The following DENND5A variants were observed in gnomAD, a reference collection of about 807,000 sequenced individuals.
DENND5A encodes the protein DENN domain-containing protein 5A.
Under a neutral mutation model 140.3 loss-of-function variants are expected in DENND5A, and 64 were observed. The ratio of observed to expected loss-of-function variants is 0.46; its 90% CI spans 0.37 to 0.56. The LOEUF (loss-of-function observed/expected upper bound fraction) is 0.56. Among genes scored for constraint, DENND5A ranks in the 20% least tolerant of loss-of-function variants. DENND5A has a pLI of 0.00. For missense variants in DENND5A, 1,292 were observed against 1,593.8 expected (o/e 0.81, Z 3.22); for synonymous variants, 605 against 607.7 (o/e 1.00, Z 0.07).
At chr11:9,236,737 G>A (rs1215727584) in intron 1 of DENND5A, among the ~76,000 whole-genome samples, 1 of 88,386 alleles carries the variant, frequency 1.1e-5, no homozygotes, top group African/African-American at 5.5e-5. Context: ...AAAAGAAAAA[G>A]ATGAAAAGGA....
intron 1 of DENND5A, among the ~76,000 whole-genome samples, chr11:9,244,460 C>CAGTGATT (rs1851378564): frequency 6.6e-6 from 1 of 152,170 alleles, no homozygotes; most frequent in South Asian, 2.1e-4. Flanking sequence ...ACCTCCGCCT[C>CAGTGATT]CCAGGTTCAA....
intron 18 of DENND5A, among the ~76,000 whole-genome samples, 196 bp downstream of exon 18, chr11:9,144,799 A>G (rs1040489896): frequency 1.3e-5 from 2 of 152,016 alleles, no homozygotes; most frequent in Non-Finnish European, 1.5e-5. Flanking sequence ...AAAAAAAAAA[A>G]AAAGAAAGAA....
intron 1 of DENND5A, among the ~76,000 whole-genome samples, chr11:9,212,996 T>C (rs1849938070): frequency 2.3e-5 from 3 of 132,684 alleles, no homozygotes; most frequent in African/African-American, 8.9e-5. Context: ...AAGTTCCTGG[T>C]TCTGATTTTT....
intron 15 of DENND5A, among the ~76,000 whole-genome samples, chr11:9,149,584 T>G (rs576652748): frequency 1.3e-5 from 2 of 152,246 alleles, no homozygotes; most frequent in Admixed American, 1.3e-4. Flanking sequence ...CTGAAGAAGT[T>G]TACCAGGTAG....
chr11:9,249,215 G>A (rs7951700), intron 1 of DENND5A, among the ~76,000 whole-genome samples: 42,861 of 151,130 alleles, frequency 0.28, 6,766 homozygotes, highest in South Asian at 0.49. Flanking sequence ...GAGACAGAGC[G>A]AGACTCCGAC....
chr11:9,214,699 C>A (rs903802332), intron 1 of DENND5A, among the ~76,000 whole-genome samples: 2 of 152,126 alleles, frequency 1.3e-5, no homozygotes, highest in African/African-American at 4.8e-5. Context: ...CACTGCCCCC[C>A]AACCCCCACC....
At position 9,255,187 on chromosome 11, in the gene DENND5A, T is replaced by C. The variant is rs147188927; in HGVS notation, c.109+9774A>G. ...AGCCACTAAGATGGCTATAAACCAA[T>C]AGATAAGTATTGGTAAGGATATGAA... is the stretch of plus-strand genomic sequence containing the variant. On this transcript the variant is annotated intron_variant, in intron 1 of 22. Coordinates refer to ENST00000328194, the MANE Select transcript of DENND5A (RefSeq NM_015213.4). Among the ~76,000 whole-genome samples the C allele has an allele frequency of 3.5e-4, 53 of 152,246 alleles. 1 individual carries two copies. The East Asian group carries it at 8.1e-3, about 23-fold the overall frequency.
At chr11:9,147,174 T>C (rs1847460566) in intron 15 of DENND5A, 23 bp from the exon 16 acceptor site, 2 of 1,612,474 alleles carry the variant, frequency 1.2e-6, no homozygotes, top group Admixed American at 1.7e-5. Context: ...AGGTAATACA[T>C]CAGTCTCCGA....
intron 1 of DENND5A, among the ~76,000 whole-genome samples, chr11:9,239,357 G>C (rs1172920864): frequency 2.5e-5 from 3 of 122,310 alleles, no homozygotes; most frequent in African/African-American, 1.0e-4. Context: ...TTTTTTTTGA[G>C]ACAGGGTCTT....
chr11:9,204,082 C>G lies in DENND5A; in HGVS notation c.527G>C (p.Ser176Thr). 6.2e-7 allele frequency: 1 copy of G among 1,614,172 alleles called. No individual in the cohort carries two copies. The highest frequency in any genetic ancestry group is 8.5e-7 in the Non-Finnish European group (1 of 1,180,026). ...APPADDRDQS[S>T]MEDGEDTPVT... is the part of the protein sequence containing the mutation. ...AGGAGTGTCTTCACCATCCTCCATG[C>G]TGCTCTGGTCTCTGTCATCAGCAGG... is the stretch of plus-strand genomic sequence containing the variant. Residue 176 changes from serine to threonine, a missense_variant, in exon 4 of 23, where the codon AGC (serine) becomes ACC (threonine). Ser to Thr is a moderately conservative substitution (Grantham distance 58). Transcript: ENST00000328194.
In DENND5A at chr11:9,243,087, C is replaced by CAAAAA. The variant is rs539119487; in HGVS notation, c.109+21869_109+21873dup. 8.6e-3 allele frequency among the ~76,000 whole-genome samples: 576 copies of CAAAAA among 66,788 alleles called. 63 individuals carry two copies. The highest frequency in any genetic ancestry group is 0.011 in the Non-Finnish European group (432 of 38,372). The allele number at this position is 66,788 out of a possible 152,430, so 43.8% of individuals were successfully genotyped here. On this transcript the variant is annotated intron_variant, in intron 1 of 22. Transcript: ENST00000328194. ...TGGGCGACACAGCGAGACTCTGTCTCAAAAAAAAAAAAAAAAACAAAAAAA... is the reference window on the plus strand; with the variant it reads ...TGGGCGACACAGCGAGACTCTGTCTCAAAAAAAAAAAAAAAAAAAAAACAAAAAAA...
At chr11:9,264,487 C>A (rs1852354123) in intron 1 of DENND5A, among the ~76,000 whole-genome samples, 1 of 152,038 alleles carries the variant, frequency 6.6e-6, no homozygotes, top group Non-Finnish European at 1.5e-5. Flanking sequence ...GGGGGCCCAG[C>A]CCAGGGCTGG....
At position 9,180,868 on chromosome 11, in the gene DENND5A, T is replaced by C. The variant is rs758697964; in HGVS notation, c.1354A>G (p.Ile452Val). The C allele has an allele frequency of 1.1e-5, 17 of 1,614,096 alleles. No individual in the cohort carries two copies. In the South Asian group the frequency reaches 1.9e-4, roughly 18 times the overall value. The change falls in exon 6 of 23, where the codon ATT becomes GTT. Residue 452 changes from isoleucine (I) to valine (V), a missense_variant. Transcript: ENST00000328194. ...TAGGAATGCAAAGGGGAGCCAGCAATGTTCCCATTCCTCTTGTCCGAGACA... is the reference window on the plus strand; with the variant it reads ...TAGGAATGCAAAGGGGAGCCAGCAACGTTCCCATTCCTCTTGTCCGAGACA... ...ELVSDKRNGNIAGSPLHSYEL... is the reference protein window; with the variant it reads ...ELVSDKRNGNVAGSPLHSYEL...
rs555513874 is a variant in DENND5A at position 9,171,137 on chromosome 11, G to C, written c.1907-360C>G. 57 of 220,868 alleles carry C rather than the reference G, an allele frequency of 2.6e-4. No homozygotes were observed. In the South Asian group the frequency reaches 4.3e-3, roughly 17 times the overall value. 13.7% of individuals were successfully genotyped at this position (220,868 alleles called of 1,614,324 possible). On this transcript the variant is annotated intron_variant, in intron 8 of 22. Transcript: ENST00000328194. ...TCCCTGAGTTAAGGAGACCAAGGTG[G>C]CTAGAGTTCATATGAACAGTACCAG...
At chr11:9,250,871 C>T (rs539952452) in intron 1 of DENND5A, among the ~76,000 whole-genome samples, 14 of 152,200 alleles carry the variant, frequency 9.2e-5, no homozygotes, top group South Asian at 4.1e-4. Flanking sequence ...CGGTGGCTCA[C>T]GCCTGTAATC....
Position 9,175,699 on chromosome 11 carries a change from T to C in DENND5A, c.1906+2433A>G, listed in dbSNP as rs1274876860. ...GTAGACGAACACATATACAGACTAA[T>C]AACATTTTGACAAAAGCAAAAAGGC... On this transcript the variant is annotated intron_variant, in intron 8 of 22. Coordinates refer to ENST00000328194, the MANE Select transcript of DENND5A (RefSeq NM_015213.4). The C allele has an allele frequency of 2.6e-5, 4 of 152,096 alleles. No homozygotes were observed. The East Asian group carries it at 7.7e-4, about 29-fold the overall frequency. 9.4% of individuals were successfully genotyped at this position (152,096 alleles called of 1,614,324 possible). A position where few individuals can be genotyped will look rare whatever the true frequency, so the allele number is the denominator to read the frequency against.
intron 5 of DENND5A, among the ~76,000 whole-genome samples, chr11:9,182,440 T>C (rs1009094850): frequency 6.6e-6 from 1 of 152,220 alleles, no homozygotes; most frequent in African/African-American, 2.4e-5. Flanking sequence ...TATTAACTAG[T>C]ACAGCTGGGA....
chr11:9,257,003 G>A (rs1023009222), intron 1 of DENND5A, among the ~76,000 whole-genome samples: 3 of 152,072 alleles, frequency 2.0e-5, no homozygotes, highest in Admixed American at 2.0e-4. Context: ...GGAGTTCTTT[G>A]TTCTATTCAT....
rs780488586 is a variant in DENND5A, at chr11:9,193,700, A to C, written c.950-19T>G. On this transcript the variant is annotated intron_variant, in intron 4 of 22. Transcript: ENST00000328194. ...TGGTAATCTGGGTCAACAACAACAA[A>C]AAAAGCACACACACAAATCAGTCAA... The C allele has an allele frequency of 5.0e-6, 8 of 1,587,868 alleles. No individual in the cohort carries two copies. The South Asian group carries it at 8.0e-5, about 16-fold the overall frequency.
Sources: allele counts gnomAD v4.1 joint callset (sites outside exome capture counted in the v4.1 genomes callset), GRCh38; gene constraint gnomAD v4.1.1; transcripts MANE v1.5; gene names NCBI Gene and HGNC (gene_info 2026-07-23, HGNC 2026-07-21).